BTBD10: variants seen among roughly 807,000 people sequenced by gnomAD.
BTBD10 encodes the protein BTB domain containing 10, also known as BTB/POZ domain-containing protein 10.
A neutral mutation model predicts 53.2 loss-of-function variants in BTBD10; 21 were observed. The observed-to-expected ratio is 0.39, with a 90% CI of 0.28 to 0.57. BTBD10 has a LOEUF of 0.57. Ranked by LOEUF, BTBD10 falls within the 20% of genes least tolerant of loss-of-function variation. The pLI, the probability that BTBD10 is intolerant of heterozygous loss-of-function variation, is 0.53. For missense variants in BTBD10, 360 were observed against 594.7 expected (o/e 0.61, Z 4.10); for synonymous variants, 149 against 192.7 (o/e 0.77, Z 1.88).
At position 13,417,168 on chromosome 11, in the gene BTBD10, C is replaced by A. The variant is rs377317797; in HGVS notation, c.677G>T (p.Arg226Leu). Residue 226 changes from arginine to leucine, a missense_variant, in exon 5 of 9, where the codon CGA becomes CTA. Coordinates refer to ENST00000278174, the MANE Select transcript of BTBD10 (RefSeq NM_032320.7). ...ATAAGAAACACTCACCAGAATCGCT[C>A]GAAACACAGTGGAACCAATTCCCTC... The part of the protein sequence containing the change: ...VAEGIGSTVF[R>L]AILDYYKTGI... 1 of 1,611,626 alleles carries A rather than the reference C, an allele frequency of 6.2e-7. No homozygotes were observed. Among genetic ancestry groups the A allele is most frequent in the East Asian group, 2.2e-5 (1 of 44,838 alleles).
chr11:13,391,535 T>G (rs550725235), intron 8 of BTBD10, among the ~76,000 whole-genome samples: 1 of 152,236 alleles, frequency 6.6e-6, no homozygotes, highest in Non-Finnish European at 1.5e-5. Context: ...AATTTGTTGG[T>G]GTATCCTCAG....
intron 2 of BTBD10, among the ~76,000 whole-genome samples, chr11:13,430,102 C>A (rs1239252599): frequency 6.6e-6 from 1 of 152,002 alleles, no homozygotes; most frequent in Non-Finnish European, 1.5e-5. Flanking sequence ...AAGCAAGACA[C>A]TGTTTCAAAA....
In BTBD10 at chr11:13,421,657, G is replaced by A. The variant is rs1417503383; in HGVS notation, c.283C>T (p.Arg95Ter). 4 of 1,612,992 alleles carry A rather than the reference G, an allele frequency of 2.5e-6. No individual in the cohort carries two copies. Among genetic ancestry groups the A allele is most frequent in the South Asian group, 1.1e-5 (1 of 91,020 alleles). Residue 95 changes from arginine (R) to a stop codon, truncating the protein, a stop_gained, in exon 3 of 9, where the codon CGA becomes TGA. Transcript: ENST00000278174. LOFTEE classifies it high-confidence loss of function. ...TTTTACATACCAACATGGTGCTGTC[G>A]TGTTGGAGAAGTCACATTTCTAATA... ...PCIRNVTSPT[R>*]QHHVEREKDH...
At chr11:13,423,334 C>T (rs1950278579) in intron 2 of BTBD10, among the ~76,000 whole-genome samples, 1 of 152,102 alleles carries the variant, frequency 6.6e-6, no homozygotes, top group Non-Finnish European at 1.5e-5. Flanking sequence ...CCTTAATATT[C>T]TGGAAACTTA....
intron 1 of BTBD10, among the ~76,000 whole-genome samples, chr11:13,446,484 G>T (rs1950751420): frequency 6.6e-6 from 1 of 152,048 alleles, no homozygotes; most frequent in East Asian, 1.9e-4. Context: ...AAAAACAGCT[G>T]AAAATTTTAT....
At chr11:13,434,936 A>G (rs969999309) in intron 2 of BTBD10, among the ~76,000 whole-genome samples, 6 of 152,218 alleles carry the variant, frequency 3.9e-5, no homozygotes, top group African/African-American at 1.4e-4. Context: ...AGCAACTGGA[A>G]GAATGGAAGT....
intron 2 of BTBD10, among the ~76,000 whole-genome samples, chr11:13,424,800 GA>G (rs1950306512): frequency 6.6e-6 from 1 of 152,174 alleles, no homozygotes; most frequent in Admixed American, 6.5e-5. Context: ...ATCAGGCAAT[GA>G]AAGAGAGCAA....
chr11:13,390,922 T>C (rs538954580), intron 8 of BTBD10, among the ~76,000 whole-genome samples: 2 of 152,326 alleles, frequency 1.3e-5, no homozygotes, highest in East Asian at 1.9e-4. Context: ...TTTCATACTT[T>C]TGGTCAATTA....
At chr11:13,434,390 G>GT (rs957230464) in intron 2 of BTBD10, among the ~76,000 whole-genome samples, 4 of 152,134 alleles carry the variant, frequency 2.6e-5, no homozygotes, top group Admixed American at 2.6e-4. Context: ...ACCTAAAAAC[G>GT]TAAGAAATAG....
intron 2 of BTBD10, among the ~76,000 whole-genome samples, chr11:13,423,240 A>G (rs1174664767): frequency 6.6e-6 from 1 of 152,202 alleles, no homozygotes; most frequent in Non-Finnish European, 1.5e-5. Context: ...AAAAATATTA[A>G]AGTTCTTTTT....
intron 1 of BTBD10, among the ~76,000 whole-genome samples, chr11:13,455,157 C>A (rs908083772): frequency 2.0e-5 from 3 of 152,208 alleles, no homozygotes; most frequent in Non-Finnish European, 4.4e-5. Flanking sequence ...AAGTGATCTG[C>A]CTGCCTTGGC....
At chr11:13,418,717 A>T (rs749597248) in intron 4 of BTBD10, among the ~76,000 whole-genome samples, 1 of 152,126 alleles carries the variant, frequency 6.6e-6, no homozygotes, top group Non-Finnish European at 1.5e-5. Flanking sequence ...AGTAAAGTAC[A>T]AGTTTTTATC....
intron 2 of BTBD10, among the ~76,000 whole-genome samples, chr11:13,444,612 T>C (rs1337231365): frequency 6.6e-6 from 1 of 152,206 alleles, no homozygotes; most frequent in Non-Finnish European, 1.5e-5. Context: ...TAAACTCAGA[T>C]AGTTAAAAAC....
At chr11:13,395,722 G>A (rs1037924686) in intron 8 of BTBD10, among the ~76,000 whole-genome samples, 2 of 152,160 alleles carry the variant, frequency 1.3e-5, no homozygotes, top group Non-Finnish European at 2.9e-5. Context: ...TGTATAAGGT[G>A]TAAGGAAGGG....
At chr11:13,439,783 A>G (rs1049715232) in intron 2 of BTBD10, 7 of 943,552 alleles carry the variant, frequency 7.4e-6, no homozygotes, top group Middle Eastern at 7.0e-4. Flanking sequence ...AAATGATCAT[A>G]ATGAAACAAA....
intron 2 of BTBD10, among the ~76,000 whole-genome samples, chr11:13,423,060 G>C (rs902275078): frequency 6.6e-6 from 1 of 152,134 alleles, no homozygotes; most frequent in Non-Finnish European, 1.5e-5. Flanking sequence ...AAAGAAAAAA[G>C]ACATTGCTAT....
intron 2 of BTBD10, among the ~76,000 whole-genome samples, chr11:13,428,141 G>T (rs1373926516): frequency 6.6e-6 from 1 of 151,926 alleles, no homozygotes; most frequent in Non-Finnish European, 1.5e-5. Context: ...AATAAGAGAG[G>T]CTACAGATAC....
At chr11:13,449,596 G>C (rs1319594379) in intron 1 of BTBD10, among the ~76,000 whole-genome samples, 1 of 152,100 alleles carries the variant, frequency 6.6e-6, no homozygotes, top group Admixed American at 6.5e-5. Context: ...CTTACTCTTA[G>C]TCCATTTTCT....
intron 8 of BTBD10, among the ~76,000 whole-genome samples, chr11:13,389,572 C>A (rs1346920123): frequency 1.3e-5 from 2 of 152,140 alleles, no homozygotes; most frequent in African/African-American, 4.8e-5. Flanking sequence ...GGATTACAGG[C>A]ATGTGCCACC....
Sources: allele counts gnomAD v4.1 joint callset (sites outside exome capture counted in the v4.1 genomes callset), GRCh38; gene constraint gnomAD v4.1.1; transcripts MANE v1.5; gene names NCBI Gene and HGNC (gene_info 2026-07-23, HGNC 2026-07-21).